The following PITPNM2 variants were observed in gnomAD, a reference collection of about 807,000 sequenced individuals.
The protein encoded by PITPNM2 is membrane-associated phosphatidylinositol transfer protein 2.
In PITPNM2, 35 loss-of-function variants were observed where a neutral mutation model predicts 132.2. The ratio of observed to expected loss-of-function variants is 0.26; its 90% CI spans 0.20 to 0.35. PITPNM2 has a LOEUF of 0.35. PITPNM2 is among the 10% of genes least tolerant of loss of function. PITPNM2 has a pLI of 1.00. For synonymous variants in PITPNM2, 738 were observed against 799.2 expected, an observed-to-expected ratio of 0.92 and a Z score of 1.29; for missense variants, 1,332 against 1,912.0, an observed-to-expected ratio of 0.70 and a Z score of 5.66.
chr12:123,150,382 T>G lies in PITPNM2; in HGVS notation c.-200+371A>C. Reference sequence around the variant, plus strand: ...ACCTCCGCTTCCTCCCGATAGCCCCTTCCTCGCCCTGGCACCGGCACTGCC... The same window carrying G: ...ACCTCCGCTTCCTCCCGATAGCCCCGTCCTCGCCCTGGCACCGGCACTGCC... On this transcript the variant is annotated intron_variant, in intron 1 of 25. Transcript: ENST00000320201. The surrounding 1 kb of genome is among the most constrained non-coding windows in gnomAD (Gnocchi z 6.0). Among the ~76,000 whole-genome samples, 1 of 148,744 alleles carries G rather than the reference T, an allele frequency of 6.7e-6. No homozygotes were observed. The highest frequency in any genetic ancestry group is 2.0e-4 in the East Asian group (1 of 4,890).
chr12:122,994,975 G>A lies in PITPNM2; in HGVS notation c.2059C>T (p.His687Tyr), dbSNP rs979036379. 4.4e-6 allele frequency: 7 copies of A among 1,603,450 alleles called. No homozygotes were observed. The highest frequency in any genetic ancestry group is 5.9e-6 in the Non-Finnish European group (7 of 1,176,852). Residue 687 changes from histidine (H) to tyrosine (Y), a missense_variant, in exon 15 of 26, where the codon CAT becomes TAT. By Grantham distance (83) the His-to-Tyr change is moderately conservative (BLOSUM62 2). This residue lies in a region of PITPNM2 where 710 missense variants were observed against 911.5 expected (regional missense o/e 0.78). Transcript: ENST00000320201. This position sits in a 1 kb window ranked among gnomAD's most constrained non-coding sequence, Gnocchi z 5.4. ...GGCTCAGTCCTCAGCACGCTGGCAT[G>A]GAGGCTGCAGACCCAAATAAGACTT... ...QQHQAFLSSL[H>Y]ASVLRTEPCS...
At chr12:123,019,790 G>A (rs868315845) in intron 3 of PITPNM2, among the ~76,000 whole-genome samples, 3 of 152,214 alleles carry the variant, frequency 2.0e-5, no homozygotes, top group Non-Finnish European at 4.4e-5. Flanking sequence ...CTTGGAGTAC[G>A]TGGAAGACCT....
At chr12:123,072,088 A>G (rs542822441) in intron 2 of PITPNM2, among the ~76,000 whole-genome samples, 1 of 152,334 alleles carries the variant, frequency 6.6e-6, no homozygotes, top group African/African-American at 2.4e-5. Flanking sequence ...GGCTGTGATA[A>G]TGGTGTGCCC....
chr12:123,143,873 G>A (rs1051125962), intron 1 of PITPNM2, among the ~76,000 whole-genome samples: 3 of 152,146 alleles, frequency 2.0e-5, no homozygotes, highest in African/African-American at 7.2e-5. Flanking sequence ...GCCTCATCCC[G>A]CAGCTCCAGT....
At chr12:123,104,755 T>G (rs2042660156) in intron 2 of PITPNM2, among the ~76,000 whole-genome samples, 1 of 152,172 alleles carries the variant, frequency 6.6e-6, no homozygotes, top group Admixed American at 6.5e-5. Flanking sequence ...GCTTTATTGC[T>G]CACACAAAGC....
At chr12:123,050,596 G>A (rs2040825765) in intron 2 of PITPNM2, among the ~76,000 whole-genome samples, 1 of 152,176 alleles carries the variant, frequency 6.6e-6, no homozygotes, top group South Asian at 2.1e-4. Context: ...AGGACCTAGA[G>A]GACAACGAAA....
Position 122,995,560 on chromosome 12 carries a change from C to A in PITPNM2, c.1883G>T (p.Gly628Val). Reference sequence around the variant, plus strand: ...CTCCAGGCTGGAGCCACCACTACTGCCACCACCACCACTGCTGCCACCACC... The same window carrying A: ...CTCCAGGCTGGAGCCACCACTACTGACACCACCACCACTGCTGCCACCACC... ...GGGGGSSGGG[G>V]SSGGSSLESS... Residue 628 changes from glycine (G) to valine (V), a missense_variant, in exon 14 of 26, where the codon GGC becomes GTC. Physicochemically the swap from Gly to Val is moderately radical, Grantham distance 109 (BLOSUM62 -3). Coordinates refer to ENST00000320201, the MANE Select transcript of PITPNM2 (RefSeq NM_020845.3). 1 of 1,608,224 alleles carries A rather than the reference C, an allele frequency of 6.2e-7. No individual in the cohort carries two copies. The highest frequency in any genetic ancestry group is 8.5e-7 in the Non-Finnish European group (1 of 1,179,716).
Position 122,996,701 on chromosome 12 carries a change from C to A in PITPNM2, c.1662+20G>T. On this transcript the variant is annotated intron_variant, in intron 12 of 25. Coordinates refer to ENST00000320201, the MANE Select transcript of PITPNM2 (RefSeq NM_020845.3). ...AGGGTCTTCCATCCTCCTCCCCTCC[C>A]CAACTTCCCCGGGACTCACCTGCCC... 6.2e-7 allele frequency: 1 copy of A among 1,610,708 alleles called. No individual in the cohort carries two copies. The highest frequency in any genetic ancestry group is 1.1e-5 in the South Asian group (1 of 90,844).
At chr12:123,092,751 G>T (rs967012975) in intron 2 of PITPNM2, 5 of 152,160 alleles carry the variant, frequency 3.3e-5, no homozygotes, top group Non-Finnish European at 5.9e-5. Flanking sequence ...CCAGAAAACT[G>T]GAAATAAATC....
chr12:123,003,919 T>C (rs367894997), intron 8 of PITPNM2, among the ~76,000 whole-genome samples: 112 of 152,372 alleles, frequency 7.4e-4, no homozygotes, highest in Non-Finnish European at 1.4e-3. Context: ...ATTTTGGGAC[T>C]AGTGGGAAAA....
At chr12:123,030,623 G>A (rs1005872129) in intron 3 of PITPNM2, among the ~76,000 whole-genome samples, 1 of 151,884 alleles carries the variant, frequency 6.6e-6, no homozygotes, top group African/African-American at 2.4e-5. Flanking sequence ...AACCCGGGAG[G>A]CGGAGCTTGC....
intron 10 of PITPNM2, among the ~76,000 whole-genome samples, chr12:122,999,899 G>A (rs1193226099): frequency 6.6e-6 from 1 of 152,180 alleles, no homozygotes; most frequent in Non-Finnish European, 1.5e-5. Flanking sequence ...CCCTCCCCTG[G>A]GGGGGCGTCA....
Position 122,985,740 on chromosome 12 carries a change from G to A in PITPNM2, c.*287C>T, listed in dbSNP as rs564899737. 7 of 347,662 alleles carry A rather than the reference G, an allele frequency of 2.0e-5. No individual in the cohort carries two copies. The South Asian group carries it at 5.7e-4, about 28-fold the overall frequency. The allele number at this position is 347,662 out of a possible 1,614,324, so 21.5% of individuals were successfully genotyped here. A position where few individuals can be genotyped will look rare whatever the true frequency, so the allele number is the denominator to read the frequency against. ...CAGGACACTTGGAGATCCACACAGG[G>A]CAAAATGTCTGGGAGAACCTCCCGG... is the stretch of plus-strand genomic sequence containing the variant. On this transcript the variant is annotated 3_prime_UTR_variant, in exon 26 of 26. Transcript: ENST00000320201.
intron 8 of PITPNM2, among the ~76,000 whole-genome samples, chr12:123,003,211 C>A (rs2038773857): frequency 6.6e-6 from 1 of 152,216 alleles, no homozygotes; most frequent in Non-Finnish European, 1.5e-5. Flanking sequence ...CCTCCTCCTG[C>A]TCCTCTGAGA....
chr12:123,118,158 T>G (rs1470787487), intron 1 of PITPNM2, among the ~76,000 whole-genome samples: 1 of 152,210 alleles, frequency 6.6e-6, no homozygotes, highest in African/African-American at 2.4e-5. Context: ...AACTAATACA[T>G]TCACCAAATT....
intron 2 of PITPNM2, among the ~76,000 whole-genome samples, chr12:123,063,150 T>C (rs533021160): frequency 3.5e-4 from 54 of 152,352 alleles, no homozygotes; most frequent in African/African-American, 1.2e-3. Context: ...GGCCTGTGTT[T>C]CCAGGCCTGT....
chr12:123,115,337 G>A (rs1012226063), intron 1 of PITPNM2, among the ~76,000 whole-genome samples: 1 of 152,166 alleles, frequency 6.6e-6, no homozygotes, highest in Non-Finnish European at 1.5e-5. Context: ...GTTCAAAGTG[G>A]AGAGACCTCC....
chr12:123,025,291 CT>C (rs2039816899), intron 3 of PITPNM2, among the ~76,000 whole-genome samples: 1 of 152,122 alleles, frequency 6.6e-6, no homozygotes, highest in Non-Finnish European at 1.5e-5. Flanking sequence ...AAAAAATGTG[CT>C]ATATCTCCAT....
rs1422894226 is a variant in PITPNM2, at chr12:123,058,094, C to T, written c.-95-23409G>A. The stretch of plus-strand genomic sequence containing the variant: ...GACCTTTTACTCTTCAAAGTACTTA[C>T]GAACCCACGTTCTTCACTTCTTCTT... On this transcript the variant is annotated intron_variant, in intron 2 of 25. Transcript: ENST00000320201. This position sits in a 1 kb window ranked among gnomAD's most constrained non-coding sequence, Gnocchi z 4.0. Among the ~76,000 whole-genome samples the T allele has an allele frequency of 6.6e-6, 1 of 152,226 alleles. No homozygotes were observed. Among genetic ancestry groups the T allele is most frequent in the Non-Finnish European group, 1.5e-5 (1 of 68,046 alleles).
Sources: gnomAD v4.1 joint callset for allele counts (sites outside exome capture counted in the v4.1 genomes callset) on GRCh38, gnomAD v4.1.1 for gene constraint, gnomAD v4.1.1 regional missense constraint, Gnocchi (gnomAD v3.1) non-coding constraint, MANE v1.5 for transcripts, NCBI Gene and HGNC (gene_info 2026-07-23, HGNC 2026-07-21) for gene names.